The following WDR82 variants were observed in gnomAD, a reference collection of about 807,000 sequenced individuals.
The protein encoded by WDR82 is WD repeat domain 82.
In WDR82, 8 loss-of-function variants were observed where a neutral mutation model predicts 36.1. That is an observed-to-expected ratio of 0.22 (90% CI 0.13 to 0.40). The LOEUF (loss-of-function observed/expected upper bound fraction) is 0.40, where lower values mean the gene tolerates loss of function less well. Ranked by LOEUF, WDR82 falls within the 10% of genes least tolerant of loss-of-function variation. The pLI is 1.00. For missense variants in WDR82, 185 were observed against 400.5 expected (o/e 0.46, Z 4.59); for synonymous variants, 129 against 137.8 (o/e 0.94, Z 0.45).
rs1699998656 is a variant in WDR82 at position 52,255,570 on chromosome 3, C to A, written c.*1920G>T. 6.6e-6 allele frequency: 1 copy of A among 151,978 alleles called. No homozygotes were observed. Among genetic ancestry groups the A allele is most frequent in the Non-Finnish European group, 1.5e-5 (1 of 68,026 alleles). The allele number at this position is 151,978 out of a possible 1,614,324, so 9.4% of individuals were successfully genotyped here. On this transcript the variant is annotated 3_prime_UTR_variant, in exon 9 of 9. Coordinates refer to ENST00000296490, the MANE Select transcript of WDR82 (RefSeq NM_025222.4). The stretch of plus-strand genomic sequence containing the variant: ...AGTCTACATTTGGGAAAGGTGTACG[C>A]CTCTTGCACTTTCAGAGGAACAAGT...
At chr3:52,277,465 CTTTGT>C (rs1269573706) in intron 1 of WDR82, among the ~76,000 whole-genome samples, 4 of 152,134 alleles carry the variant, frequency 2.6e-5, no homozygotes, top group African/African-American at 4.8e-5. Context: ...ACGATGCTTG[CTTTGT>C]TTTAACGGAA....
At chr3:52,264,306 ATT>A (rs1163116733) in intron 3 of WDR82, among the ~76,000 whole-genome samples, 2 of 152,212 alleles carry the variant, frequency 1.3e-5, no homozygotes, top group Admixed American at 1.3e-4. Context: ...CGGATAAAAT[ATT>A]TGTTTATTTT....
At chr3:52,273,219 C>T (rs1439141412) in intron 1 of WDR82, among the ~76,000 whole-genome samples, 1 of 152,164 alleles carries the variant, frequency 6.6e-6, no homozygotes, top group Non-Finnish European at 1.5e-5. Context: ...CACCTGAGGT[C>T]AGGAGTCTGA....
chr3:52,268,466 G>C (rs1420710938), intron 2 of WDR82: 3 of 374,682 alleles, frequency 8.0e-6, no homozygotes, highest in Non-Finnish European at 1.8e-5. Flanking sequence ...AAAGCTACAA[G>C]TGCCACACAT....
intron 1 of WDR82, 81 bp downstream of exon 1, chr3:52,278,120 C>A: frequency 7.3e-7 from 1 of 1,372,784 alleles, no homozygotes; most frequent in Non-Finnish European, 9.6e-7. Flanking sequence ...GAAGTCGGGA[C>A]GGAGGGCAGG....
chr3:52,267,776 A>G (rs1700118837), intron 2 of WDR82: 1 of 152,624 alleles, frequency 6.6e-6, no homozygotes. Context: ...AAACAAACAA[A>G]AAACATGGTG....
Position 52,260,403 on chromosome 3 carries a change from G to A in WDR82, c.525C>T (p.Asp175=). 1.3e-6 allele frequency: 2 copies of A among 1,570,288 alleles called. No homozygotes were observed. The highest frequency in any genetic ancestry group is 1.2e-5 in the South Asian group (1 of 84,736). The change falls in exon 5 of 9, where the codon GAC becomes GAT. Residue 175 remains aspartate, a synonymous_variant. Transcript: ENST00000296490. The part of the protein sequence containing the change: ...GVNSEMVKLY[D]LRSFDKGPFA... ...GATTTACCTTATCAAAAGAACGAAGGTCATAAAGCTTGACCATTTCAGAGT... is the reference window on the plus strand; with the variant it reads ...GATTTACCTTATCAAAAGAACGAAGATCATAAAGCTTGACCATTTCAGAGT...
chr3:52,275,050 C>T (rs1281358000), intron 1 of WDR82, among the ~76,000 whole-genome samples: 10 of 152,142 alleles, frequency 6.6e-5, no homozygotes, highest in South Asian at 6.2e-4. Context: ...GGAGAAATCC[C>T]GCATCTACTA....
intron 7 of WDR82, among the ~76,000 whole-genome samples, 196 bp from the exon 8 acceptor site, chr3:52,258,874 A>G (rs1376073084): frequency 2.0e-5 from 3 of 152,194 alleles, no homozygotes; most frequent in Non-Finnish European, 2.9e-5. Context: ...GTTCACAGGC[A>G]TGTCACTTCC....
At chr3:52,265,299 CAAAAAAAAAAAAAAAAAAAAAAA>C (rs869189597) in intron 3 of WDR82, among the ~76,000 whole-genome samples, 4 of 43,782 alleles carry the variant, frequency 9.1e-5, no homozygotes, top group African/African-American at 2.8e-4. Context: ...GACTCTGTCT[CAAAAAAAAAAAAAAAAAAAAAAA>C]AAAAAAAAAA....
At chr3:52,277,448 T>C (rs952003425) in intron 1 of WDR82, among the ~76,000 whole-genome samples, 1 of 152,086 alleles carries the variant, frequency 6.6e-6, no homozygotes, top group African/African-American at 2.4e-5. Context: ...AAACCTGAAA[T>C]TGTTCTACGA....
chr3:52,260,068 C>T (rs750393298), intron 5 of WDR82, among the ~76,000 whole-genome samples, 196 bp from the exon 6 acceptor site: 36 of 152,306 alleles, frequency 2.4e-4, no homozygotes, highest in Non-Finnish European at 3.5e-4. Context: ...CGGTGGCTCA[C>T]GCCTGTAATC....
intron 2 of WDR82, among the ~76,000 whole-genome samples, chr3:52,269,213 A>T (rs1324627846): frequency 6.6e-6 from 1 of 152,136 alleles, no homozygotes; most frequent in African/African-American, 2.4e-5. Context: ...GGTGGTTCAC[A>T]CCTGTAATCC....
In WDR82 at chr3:52,278,325, C is replaced by T. The variant is rs769564124; in HGVS notation, c.37G>A (p.Val13Ile). Residue 13 changes from valine (V) to isoleucine (I), a missense_variant, in exon 1 of 9, where the codon GTC (valine) becomes ATC (isoleucine). Coordinates refer to ENST00000296490, the MANE Select transcript of WDR82 (RefSeq NM_025222.4). The part of the protein sequence containing the change: ...LTDSVLRSFR[V>I]AKVFRENSDK... The stretch of plus-strand genomic sequence containing the variant: ...GAGTTTTCGCGGAACACCTTAGCGA[C>T]GCGGAAGCTCCGCAACACGCTGTCG... The T allele has an allele frequency of 1.4e-5, 23 of 1,598,624 alleles. No homozygotes were observed. The highest frequency in any genetic ancestry group is 1.8e-5 in the Non-Finnish European group (21 of 1,174,332).
At chr3:52,270,889 T>C (rs561103602) in intron 1 of WDR82, 80 bp from the exon 2 acceptor site, 1 of 1,056,278 alleles carries the variant, frequency 9.5e-7, no homozygotes, top group African/African-American at 1.6e-5. Context: ...GAGAAGCACT[T>C]GAATGATGTG....
chr3:52,257,572 A>G (rs1700020546), intron 8 of WDR82, 53 bp from the exon 9 acceptor site: 1 of 1,612,212 alleles, frequency 6.2e-7, no homozygotes, highest in Non-Finnish European at 8.5e-7. Flanking sequence ...CCTCACTGCC[A>G]ACGGTTCTTC....
At chr3:52,265,325 AAAAAAAAAAAG>A in intron 3 of WDR82, among the ~76,000 whole-genome samples, 1 of 147,276 alleles carries the variant, frequency 6.8e-6, no homozygotes, top group Non-Finnish European at 1.5e-5. Flanking sequence ...AAAAAAAAAA[AAAAAAAAAAAG>A]AATCAGGAGG....
rs1265916567 is a variant in WDR82, at chr3:52,256,551, TGTG to T, written c.*936_*938del. 6.5e-6 allele frequency: 1 copy of T among 153,778 alleles called. No homozygotes were observed. The highest frequency in any genetic ancestry group is 1.5e-5 in the Non-Finnish European group (1 of 68,064). The allele number at this position is 153,778 out of a possible 1,614,324, so 9.5% of individuals were successfully genotyped here. A position where few individuals can be genotyped will look rare whatever the true frequency, so the allele number is the denominator to read the frequency against. The stretch of plus-strand genomic sequence containing the variant: ...TCATCTGAAGACTATGTACACAATT[TGTG>T]GTGGGCAGGGAAGGCATCAGTGTAA... On this transcript the variant is annotated 3_prime_UTR_variant, in exon 9 of 9. Transcript: ENST00000296490.
At chr3:52,258,732 A>T in intron 7 of WDR82, 54 bp from the exon 8 acceptor site, 1 of 1,609,902 alleles carries the variant, frequency 6.2e-7, no homozygotes, top group Non-Finnish European at 8.5e-7. Context: ...TACAAAGACA[A>T]CTGGAAATGA....
Sources: allele counts gnomAD v4.1 joint callset (sites outside exome capture counted in the v4.1 genomes callset), GRCh38; gene constraint gnomAD v4.1.1; transcripts MANE v1.5; gene names NCBI Gene and HGNC (gene_info 2026-07-23, HGNC 2026-07-21).